NR2C1: variants seen among roughly 807,000 people sequenced by gnomAD.
NR2C1 encodes the protein nuclear receptor subfamily 2 group C member 1.
A neutral mutation model predicts 74.8 loss-of-function variants in NR2C1; 33 were observed. That is an observed-to-expected ratio of 0.44 (90% CI 0.33 to 0.59). NR2C1 has a LOEUF of 0.59. Among genes scored for constraint, NR2C1 ranks in the 20% least tolerant of loss-of-function variants. The probability of loss-of-function intolerance (pLI) is 0.02; values close to 1 mark genes in which losing one functional copy is unlikely to be tolerated. For synonymous variants in NR2C1, 225 were observed against 240.6 expected, an observed-to-expected ratio of 0.94 and a Z score of 0.60; for missense variants, 568 against 715.6, an observed-to-expected ratio of 0.79 and a Z score of 2.35.
intron 1 of NR2C1, among the ~76,000 whole-genome samples, chr12:95,068,452 A>G (rs1415676217): frequency 2.6e-5 from 4 of 152,194 alleles, no homozygotes; most frequent in Admixed American, 2.0e-4. Flanking sequence ...GGAACATGCA[A>G]GATCTAGGTA....
intron 9 of NR2C1, among the ~76,000 whole-genome samples, chr12:95,045,727 T>C (rs1055654698): frequency 7.2e-5 from 11 of 152,232 alleles, no homozygotes; most frequent in Non-Finnish European, 1.6e-4. Context: ...ATATAATTTC[T>C]AAAATGGGAA....
chr12:95,038,755 G>A (rs1376649245), intron 10 of NR2C1, among the ~76,000 whole-genome samples: 4 of 152,034 alleles, frequency 2.6e-5, no homozygotes, highest in Non-Finnish European at 5.9e-5. Context: ...TAAAAATTTT[G>A]GTCGATAATA....
intron 7 of NR2C1, among the ~76,000 whole-genome samples, chr12:95,054,738 T>C (rs1873574818): frequency 6.6e-6 from 1 of 152,238 alleles, no homozygotes; most frequent in Non-Finnish European, 1.5e-5. Context: ...TAGCAACATA[T>C]CTAACTAGAT....
At chr12:95,036,596 C>T (rs537130058) in intron 10 of NR2C1, among the ~76,000 whole-genome samples, 3 of 151,944 alleles carry the variant, frequency 2.0e-5, no homozygotes, top group East Asian at 3.9e-4. Context: ...CTACAACCTC[C>T]GTCTCCTGGA....
chr12:95,030,590 G>T (rs1295611769), intron 11 of NR2C1: 6 of 1,613,202 alleles, frequency 3.7e-6, no homozygotes, highest in South Asian at 1.1e-5. Flanking sequence ...CCTTCTAGTA[G>T]ATCTATTTTT....
chr12:95,065,583 C>T (rs939270745), intron 2 of NR2C1, among the ~76,000 whole-genome samples: 1 of 152,042 alleles, frequency 6.6e-6, no homozygotes, highest in African/African-American at 2.4e-5. Context: ...ACAGGGCATC[C>T]ATCCCCTCAA....
Position 95,025,161 on chromosome 12 carries a change from A to G in NR2C1, c.1626T>C (p.Asp542=). 2.0e-6 allele frequency: 3 copies of G among 1,527,526 alleles called. No individual in the cohort carries two copies. The highest frequency in any genetic ancestry group is 2.7e-6 in the Non-Finnish European group (3 of 1,108,232). The allele number at this position is 1,527,526 out of a possible 1,614,324, so 94.6% of individuals were successfully genotyped here. The change falls in exon 13 of 14, where the codon GAT becomes GAC. Residue 542 remains aspartate, a synonymous_variant. Transcript: ENST00000333003. Reference sequence around the variant, plus strand: ...TTAACTCTAGATACCTGTAGGTGTCATCTGGATATGTTTTGGTTATATAAT... The same window carrying G: ...TTAACTCTAGATACCTGTAGGTGTCGTCTGGATATGTTTTGGTTATATAAT... ...FQDYITKTYP[D]DTYRLSRLLL...
intron 2 of NR2C1, among the ~76,000 whole-genome samples, chr12:95,063,275 G>T (rs1875074070): frequency 6.6e-6 from 1 of 152,156 alleles, no homozygotes; most frequent in South Asian, 2.1e-4. Context: ...ACTACCTAGG[G>T]GAAGAACATT....
Position 95,022,369 on chromosome 12 carries a change from T to G in NR2C1, c.1672A>C (p.Arg558=). Residue 558 remains arginine, a synonymous_variant, in exon 14 of 14, where the codon AGA becomes CGA. Transcript: ENST00000333003. ...SRLLLRLPAL[R]LMNATITEEL... is the part of the protein sequence containing the mutation. ...TCAGTGATGGTAGCATTCATCAGTC[T>G]TAAAGCTGGCAATCTGAGTAGTAGT... 6.2e-7 allele frequency: 1 copy of G among 1,613,058 alleles called. No individual in the cohort carries two copies. The highest frequency in any genetic ancestry group is 2.2e-5 in the East Asian group (1 of 44,822).
At chr12:95,058,090 G>T in intron 5 of NR2C1, 1 of 659,614 alleles carries the variant, frequency 1.5e-6, no homozygotes, top group Non-Finnish European at 2.5e-6. Flanking sequence ...CATTCTTTTT[G>T]CCAAACACAA....
intron 7 of NR2C1, 133 bp downstream of exon 7, chr12:95,057,420 A>T (rs1354795415): frequency 1.5e-6 from 1 of 649,408 alleles, no homozygotes; most frequent in Non-Finnish European, 2.5e-6. Flanking sequence ...TTTCTAATTT[A>T]TATTAAAAAA....
intron 3 of NR2C1, among the ~76,000 whole-genome samples, chr12:95,061,001 A>C (rs1421491824): frequency 6.6e-6 from 1 of 152,216 alleles, no homozygotes; most frequent in African/African-American, 2.4e-5. Flanking sequence ...AAATGGTGCT[A>C]ATCTTTTATC....
At position 95,058,468 on chromosome 12, in the gene NR2C1, G is replaced by A. The variant is rs780579909; in HGVS notation, c.386C>T (p.Thr129Ile). ...KASGRHYGAV[T>I]CEGCKGFFKR... is the part of the protein sequence containing the mutation. ...AAAAAATCCTTTGCAGCCTTCACAA[G>A]TTACTGCTCCATAATGACGTCCTAG... The change falls in exon 5 of 14, where the codon ACT becomes ATT. Residue 129 changes from threonine to isoleucine, a missense_variant. Around this residue, in one of 6 missense-constraint regions of NR2C1, gnomAD observed 44 missense variants for 95.6 expected, o/e 0.46. Coordinates refer to ENST00000333003, the MANE Select transcript of NR2C1 (RefSeq NM_003297.4). The A allele has an allele frequency of 1.9e-6, 3 of 1,612,634 alleles. No individual in the cohort carries two copies. The highest frequency in any genetic ancestry group is 2.5e-6 in the Non-Finnish European group (3 of 1,179,482).
chr12:95,026,672 T>C (rs1869404720), intron 12 of NR2C1, among the ~76,000 whole-genome samples: 1 of 152,102 alleles, frequency 6.6e-6, no homozygotes, highest in African/African-American at 2.4e-5. Flanking sequence ...TTAGAAGAAA[T>C]AGTACAAGCT....
intron 7 of NR2C1, among the ~76,000 whole-genome samples, chr12:95,054,807 G>C (rs1299801817): frequency 6.6e-6 from 1 of 151,842 alleles, no homozygotes; most frequent in East Asian, 1.9e-4. Context: ...TCGCAGAGGG[G>C]GATTTGGCAG....
rs899683567 is a variant in NR2C1 at position 95,048,622 on chromosome 12, G to GTT, written c.1131+444_1131+445dup. ...ACATTTTGTTTCTATATGCAGATGAGTTTTTTTTTTTTTTTTTTTGAGACA... is the reference window on the plus strand; with the variant it reads ...ACATTTTGTTTCTATATGCAGATGAGTTTTTTTTTTTTTTTTTTTTTGAGACA... On this transcript the variant is annotated intron_variant, in intron 9 of 13. Transcript: ENST00000333003. Among the ~76,000 whole-genome samples the GTT allele has an allele frequency of 8.4e-3, 1,090 of 130,476 alleles. 12 individuals carry two copies. The highest frequency in any genetic ancestry group is 0.023 in the African/African-American group (820 of 36,112). 85.6% of individuals were successfully genotyped at this position (130,476 alleles called of 152,430 possible).
intron 12 of NR2C1, among the ~76,000 whole-genome samples, chr12:95,026,494 G>C (rs1158217779): frequency 6.6e-6 from 1 of 152,028 alleles, no homozygotes; most frequent in Non-Finnish European, 1.5e-5. Flanking sequence ...TCTCATGGAT[G>C]AAAATTTTAA....
intron 7 of NR2C1, among the ~76,000 whole-genome samples, chr12:95,055,495 G>A (rs1056521200): frequency 5.3e-5 from 8 of 152,214 alleles, no homozygotes; most frequent in African/African-American, 1.4e-4. Context: ...AGATGAGAAA[G>A]TAAGGCACTA....
Position 95,059,889 on chromosome 12 carries a change from G to T in NR2C1, c.364+17C>A. On this transcript the variant is annotated intron_variant, in intron 4 of 13. Transcript: ENST00000333003. The stretch of plus-strand genomic sequence containing the variant: ...TATTTTTTTTTTCTGTTTTTAGGAG[G>T]TTATTCTTAATGTTACCTGATGCTT... 1 of 1,546,406 alleles carries T rather than the reference G, an allele frequency of 6.5e-7. No individual in the cohort carries two copies.
Sources: allele counts gnomAD v4.1 joint callset (sites outside exome capture counted in the v4.1 genomes callset), GRCh38; gene constraint gnomAD v4.1.1; regional missense constraint gnomAD v4.1.1; transcripts MANE v1.5; gene names NCBI Gene and HGNC (gene_info 2026-07-23, HGNC 2026-07-21).